The following SOX6 variants were observed in gnomAD, a reference collection of about 807,000 sequenced individuals.
The protein encoded by SOX6 is transcription factor SOX-6.
SOX6 carries 11 observed loss-of-function variants against 97.8 expected under a neutral mutation model. The ratio of observed to expected loss-of-function variants is 0.11; its 90% CI spans 0.07 to 0.19. SOX6 has a LOEUF of 0.19. SOX6 is among the 10% of genes least tolerant of loss of function. SOX6 has a pLI of 1.00. For synonymous variants in SOX6, 360 were observed against 371.4 expected, an observed-to-expected ratio of 0.97 and a Z score of 0.35; for missense variants, 810 against 1,039.5, an observed-to-expected ratio of 0.78 and a Z score of 3.04.
intron 4 of SOX6, among the ~76,000 whole-genome samples, chr11:16,606,707 A>G (rs1231349008): frequency 2.0e-5 from 3 of 152,212 alleles, no homozygotes; most frequent in Non-Finnish European, 2.9e-5. Context: ...TAGGATGGCG[A>G]TAACAGCTTT....
intron 2 of SOX6, among the ~76,000 whole-genome samples, chr11:16,329,274 T>C (rs1856205790): frequency 6.6e-6 from 1 of 152,172 alleles, no homozygotes; most frequent in South Asian, 2.1e-4. Flanking sequence ...CTCATTAACA[T>C]TCTATTTAAT....
chr11:16,646,346 CTAATA>C (rs1217686218), intron 3 of SOX6: 1 of 152,132 alleles, frequency 6.6e-6, no homozygotes, highest in Non-Finnish European at 1.5e-5. Flanking sequence ...TAAATAACAA[CTAATA>C]TAATATGTTG....
intron 3 of SOX6, among the ~76,000 whole-genome samples, chr11:16,711,102 A>T (rs146318011): frequency 1.3e-5 from 2 of 152,160 alleles, no homozygotes; most frequent in African/African-American, 4.8e-5. Context: ...ACCTTAACCC[A>T]GGTCCCCATT....
chr11:16,272,516 A>G (rs1373537601), intron 3 of SOX6, among the ~76,000 whole-genome samples: 1 of 151,766 alleles, frequency 6.6e-6, no homozygotes, highest in Non-Finnish European at 1.5e-5. Context: ...TAAAAAGCTT[A>G]TTCTTTATGG....
At chr11:16,176,137 T>C (rs1212477520) in intron 6 of SOX6, among the ~76,000 whole-genome samples, 1 of 149,926 alleles carries the variant, frequency 6.7e-6, no homozygotes, top group Non-Finnish European at 1.5e-5. Context: ...GAGAGAGAGA[T>C]TCAACCTAAA....
At chr11:16,103,171 G>T (rs895826315) in intron 7 of SOX6, among the ~76,000 whole-genome samples, 19 of 150,498 alleles carry the variant, frequency 1.3e-4, no homozygotes, top group African/African-American at 4.4e-4. Flanking sequence ...AACTCAAATC[G>T]CAAGAAAAAA....
At chr11:16,482,810 CAA>C (rs1860366045) in intron 4 of SOX6, among the ~76,000 whole-genome samples, 1 of 152,082 alleles carries the variant, frequency 6.6e-6, no homozygotes, top group Non-Finnish European at 1.5e-5. Flanking sequence ...AAAGAAGGGT[CAA>C]GAGTTAATAA....
chr11:16,220,840 A>G (rs556446478), intron 4 of SOX6, among the ~76,000 whole-genome samples: 4 of 152,160 alleles, frequency 2.6e-5, no homozygotes, highest in African/African-American at 7.2e-5. Flanking sequence ...ATTTATACCT[A>G]TCATGAATCA....
At chr11:16,497,748 G>A (rs1391155307) in intron 4 of SOX6, among the ~76,000 whole-genome samples, 1 of 151,998 alleles carries the variant, frequency 6.6e-6, no homozygotes, top group Admixed American at 6.6e-5. Flanking sequence ...GAAATGAAGC[G>A]AGAAGAGAAG....
chr11:16,014,056 C>T (rs1353721450), intron 13 of SOX6, among the ~76,000 whole-genome samples: 2 of 152,030 alleles, frequency 1.3e-5, no homozygotes, highest in Non-Finnish European at 2.9e-5. Flanking sequence ...TTAATCTTCC[C>T]TGACTGGTGG....
In SOX6 at chr11:16,353,186, C is replaced by G. The variant is rs193051882; in HGVS notation, c.-5+2908G>C. 2.5e-3 allele frequency among the ~76,000 whole-genome samples: 385 copies of G among 152,106 alleles called. 1 individual carries two copies. The highest frequency in any genetic ancestry group is 8.7e-3 in the African/African-American group (362 of 41,546). ...TCTCTGACCAGAGAAACCACACCAG[C>G]TATATCAGACAAAACTGGAGCTGCC... On this transcript the variant is annotated intron_variant, in intron 1 of 15. Transcript: ENST00000683767.
intron 4 of SOX6, among the ~76,000 whole-genome samples, chr11:16,530,819 A>G (rs372586735): frequency 4.2e-4 from 64 of 151,886 alleles, no homozygotes; most frequent in African/African-American, 1.4e-3. Flanking sequence ...AGCAGAGATG[A>G]CCAGATCACA....
chr11:16,067,566 A>G (rs954819461), intron 9 of SOX6, among the ~76,000 whole-genome samples: 4 of 152,086 alleles, frequency 2.6e-5, no homozygotes, highest in Non-Finnish European at 4.4e-5. Context: ...TTTCTTTATA[A>G]ATTACCCAGT....
rs1158166654 is a variant in SOX6, at chr11:16,620,102, T to G, written n.430-7842A>C. Among the ~76,000 whole-genome samples the G allele has an allele frequency of 2.0e-5, 3 of 152,136 alleles. No individual in the cohort carries two copies. In the East Asian group the frequency reaches 5.8e-4, roughly 29 times the overall value. ...CTTGATATTATATTAGCTAAAAGAT[T>G]GTTAAAAATCACCAGTAGACTTCTA... On this transcript the variant is annotated intron_variant and non_coding_transcript_variant, in intron 3 of 5. Transcript: ENST00000524520.
intron 6 of SOX6, among the ~76,000 whole-genome samples, chr11:16,112,513 A>G (rs1286385052): frequency 6.6e-6 from 1 of 152,202 alleles, no homozygotes; most frequent in African/African-American, 2.4e-5. Flanking sequence ...TCGATGTAAC[A>G]TATAAATTGC....
rs140316657 is a variant in SOX6 at position 16,084,332 on chromosome 11, G to A, written c.1101+11664C>T. ...CTTCCTCAGACTATTACTATAAGAG[G>A]GCAGTAATTTCTTAGCTTCATTGCT... On this transcript the variant is annotated intron_variant, in intron 9 of 15. Transcript: ENST00000683767. Among the ~76,000 whole-genome samples, 3 of 151,926 alleles carry A rather than the reference G, an allele frequency of 2.0e-5. No individual in the cohort carries two copies. In the East Asian group the frequency reaches 5.8e-4, roughly 30 times the overall value.
chr11:16,111,946 T>C (rs1237137067), intron 6 of SOX6, 23 bp from the exon 7 acceptor site: 1 of 1,611,648 alleles, frequency 6.2e-7, no homozygotes, highest in Non-Finnish European at 8.5e-7. Context: ...AGAGAGCCTA[T>C]GATCAGACAG....
Position 16,560,488 on chromosome 11 carries a change from C to T in SOX6, n.609+51593G>A, listed in dbSNP as rs113256391. ...GTTTATACGTACATATATGTTTATA[C>T]GTACATATATGTTTATACGTACATA... On this transcript the variant is annotated intron_variant and non_coding_transcript_variant, in intron 4 of 5. Coordinates refer to the SOX6 transcript ENST00000524520. Among the ~76,000 whole-genome samples the T allele has an allele frequency of 8.6e-5, 12 of 139,218 alleles. 1 individual carries two copies. The highest frequency in any genetic ancestry group is 4.3e-4 in the South Asian group (2 of 4,618). 91.3% of individuals were successfully genotyped at this position (139,218 alleles called of 152,430 possible).
chr11:16,543,585 T>C (rs1273761488), intron 4 of SOX6, among the ~76,000 whole-genome samples: 1 of 152,068 alleles, frequency 6.6e-6, no homozygotes, highest in Non-Finnish European at 1.5e-5. Context: ...TAAAGAACTC[T>C]TACAACTCAA....
Sources: allele counts gnomAD v4.1 joint callset (sites outside exome capture counted in the v4.1 genomes callset), GRCh38; gene constraint gnomAD v4.1.1; transcripts MANE v1.5; gene names NCBI Gene and HGNC (gene_info 2026-07-23, HGNC 2026-07-21).